SLC52A1: variants seen among roughly 807,000 people sequenced by gnomAD.
SLC52A1 encodes the protein solute carrier family 52 member 1.
Under a neutral mutation model 23.2 loss-of-function variants are expected in SLC52A1, and 20 were observed. The ratio of observed to expected loss-of-function variants is 0.86; its 90% CI spans 0.61 to 1.25. SLC52A1 has a LOEUF of 1.25. Ranked by LOEUF, SLC52A1 falls within the 50% of genes most tolerant of loss-of-function variation. The probability of loss-of-function intolerance (pLI) is 0.00; values close to 1 mark genes in which losing one functional copy is unlikely to be tolerated. For synonymous variants in SLC52A1, 260 were observed against 256.6 expected (o/e 1.01, Z -0.13); for missense variants, 528 against 557.0 (o/e 0.95, Z 0.52).
At chr17:5,037,859 GTTTC>G (rs1225411952), upstream of SLC52A1, among the ~76,000 whole-genome samples, 1 of 145,482 alleles carries the variant, frequency 6.9e-6, no homozygotes, top group Non-Finnish European at 1.5e-5. Flanking sequence ...CCTAAAATCT[GTTTC>G]TTTCTTTCTT....
At chr17:5,039,522 G>A (rs1597881570), upstream of SLC52A1, among the ~76,000 whole-genome samples, 1 of 152,132 alleles carries the variant, frequency 6.6e-6, no homozygotes, top group African/African-American at 2.4e-5. Context: ...ACCCAGGCTG[G>A]AGTGCAGTGT....
intron 1 of SLC52A1, among the ~76,000 whole-genome samples, chr17:5,041,079 G>GCCA (rs1975539677): frequency 6.6e-6 from 1 of 151,744 alleles, no homozygotes; most frequent in Admixed American, 6.6e-5. Flanking sequence ...ACAGGCGTGA[G>GCCA]CCACCGTGCC....
At chr17:5,034,827 G>GGAGGGAGAGGTGGCCGGC in intron 1 of SLC52A1, 34 bp downstream of exon 1, 1 of 495,610 alleles carries the variant, frequency 2.0e-6, no homozygotes, top group Non-Finnish European at 3.5e-6. Flanking sequence ...AGGTGGCCGG[G>GGAGGGAGAGGTGGCCGGC]GGCGGGCGGG....
chr17:5,037,293 G>A (rs543208276), upstream of SLC52A1, among the ~76,000 whole-genome samples: 5 of 152,346 alleles, frequency 3.3e-5, no homozygotes, highest in South Asian at 4.1e-4. Flanking sequence ...GCCGAGGCGG[G>A]CTGATCACCT....
Position 5,032,822 on chromosome 17 carries a change from C to G in SLC52A1, c.*135G>C. 1 of 802,670 alleles carries G rather than the reference C, an allele frequency of 1.2e-6. No homozygotes were observed. Among genetic ancestry groups the G allele is most frequent in the African/African-American group, 1.7e-5 (1 of 57,984 alleles). 49.7% of individuals were successfully genotyped at this position (802,670 alleles called of 1,614,324 possible). A position where few individuals can be genotyped will look rare whatever the true frequency, so the allele number is the denominator to read the frequency against. On this transcript the variant is annotated 3_prime_UTR_variant, in exon 5 of 5. Coordinates refer to ENST00000254853, the MANE Select transcript of SLC52A1 (RefSeq NM_017986.4). ...CCACCCTGGCCTCACATGCCAACGTCTTCTGTGGAGTGTGCAGGTGTCCAT... is the reference window on the plus strand; with the variant it reads ...CCACCCTGGCCTCACATGCCAACGTGTTCTGTGGAGTGTGCAGGTGTCCAT...
intron 1 of SLC52A1, among the ~76,000 whole-genome samples, chr17:5,041,487 G>C (rs1975545007): frequency 6.7e-6 from 1 of 150,080 alleles, no homozygotes; most frequent in Non-Finnish European, 1.5e-5. Flanking sequence ...ATTTTGTTTT[G>C]TTTTTCTGAG....
At chr17:5,041,958 A>T (rs1050302277) in intron 1 of SLC52A1, among the ~76,000 whole-genome samples, 1 of 151,498 alleles carries the variant, frequency 6.6e-6, no homozygotes, top group African/African-American at 2.4e-5. Context: ...CTGGTCTCAA[A>T]CTTCTAGGCT....
chr17:5,034,611 C>T lies in SLC52A1; in HGVS notation c.-5G>A. 1.2e-6 allele frequency: 2 copies of T among 1,614,046 alleles called. No individual in the cohort carries two copies. The highest frequency in any genetic ancestry group is 1.1e-5 in the South Asian group (1 of 91,076). Reference sequence around the variant, plus strand: ...GCCCAGCGTGGGTGCTGCCATTCAGCCCAAAGCTGGACCCTCCAGGACAGG... The same window carrying T: ...GCCCAGCGTGGGTGCTGCCATTCAGTCCAAAGCTGGACCCTCCAGGACAGG... On this transcript the variant is annotated 5_prime_UTR_variant, in exon 2 of 5. Transcript: ENST00000254853.
At chr17:5,035,450 G>A (rs1343818862), upstream of SLC52A1, 1 of 152,320 alleles carries the variant, frequency 6.6e-6, no homozygotes, top group Non-Finnish European at 1.5e-5. Flanking sequence ...TGCTGAGGCA[G>A]GTCGAGTTGG....
chr17:5,035,925 G>A (rs1269360358), upstream of SLC52A1, among the ~76,000 whole-genome samples: 1 of 111,316 alleles, frequency 9.0e-6, no homozygotes, highest in Non-Finnish European at 1.7e-5. Flanking sequence ...TCACTATGTT[G>A]CTCAGGCTGG....
At chr17:5,038,284 C>T (rs191627260), upstream of SLC52A1, among the ~76,000 whole-genome samples, 57 of 152,062 alleles carry the variant, frequency 3.7e-4, no homozygotes, top group Non-Finnish European at 7.8e-4. Context: ...TCCAGCTACT[C>T]AGGAGCCTGA....
In SLC52A1 at chr17:5,034,079, C is replaced by G; in HGVS notation, c.410G>C (p.Ser137Thr). ...TSNVTFLPFL[S>T]HLPPPFLRSF... ...CCGTAAGAAAGGAGGTGGCAGGTGG[C>G]TCAGGAAGGGCAGGAAAGTGACATT... Residue 137 changes from serine (S) to threonine (T), a missense_variant, in exon 3 of 5, where the codon AGC becomes ACC. Physicochemically the swap from Ser to Thr is moderately conservative, Grantham distance 58. Coordinates refer to ENST00000254853, the MANE Select transcript of SLC52A1 (RefSeq NM_017986.4). The G allele has an allele frequency of 6.2e-7, 1 of 1,614,192 alleles. No homozygotes were observed. The highest frequency in any genetic ancestry group is 8.5e-7 in the Non-Finnish European group (1 of 1,180,026).
rs1412800657 is a variant in SLC52A1, at chr17:5,033,516, G to C, written c.973C>G (p.Pro325Ala). 3 of 1,613,180 alleles carry C rather than the reference G, an allele frequency of 1.9e-6. No homozygotes were observed. The highest frequency in any genetic ancestry group is 2.5e-6 in the Non-Finnish European group (3 of 1,179,604). Residue 325 changes from proline (P) to alanine (A), a missense_variant, in exon 3 of 5, where the codon CCC (proline) becomes GCC (alanine). By Grantham distance (27) the Pro-to-Ala change is conservative. Transcript: ENST00000254853. Reference protein sequence around the residue: ...LAVVLGSAANPLACFLAMGVL... With the variant: ...LAVVLGSAANALACFLAMGVL... ...CCCATGGCCAGGAAGCAGGCAAGGG[G>C]GTTGGCGGCACTGCCCAGCACCACA...
upstream of SLC52A1, among the ~76,000 whole-genome samples, chr17:5,039,050 G>A (rs900809664): frequency 0.051 from 7 of 136 alleles, no homozygotes; most frequent in African/African-American, 0.17. Context: ...AGCCGGGCGC[G>A]GTGGCCTCAT....
At position 5,033,869 on chromosome 17, in the gene SLC52A1, G is replaced by A. The variant is rs1309810407; in HGVS notation, c.620C>T (p.Ser207Leu). ...CAGGAGACCCCGGAAGGCGGCAGCTGAAGTGACCAGAAGGGCAGTCAGTGC... is the reference window on the plus strand; with the variant it reads ...CAGGAGACCCCGGAAGGCGGCAGCTAAAGTGACCAGAAGGGCAGTCAGTGC... Reference protein sequence around the residue: ...FWALTALLVTSAAAFRGLLLL... With the variant: ...FWALTALLVTLAAAFRGLLLL... The change falls in exon 3 of 5, where the codon TCA becomes TTA. Residue 207 changes from serine to leucine, a missense_variant. Coordinates refer to ENST00000254853, the MANE Select transcript of SLC52A1 (RefSeq NM_017986.4). The A allele has an allele frequency of 6.2e-7, 1 of 1,614,254 alleles. No homozygotes were observed. The highest frequency in any genetic ancestry group is 1.7e-5 in the Admixed American group (1 of 60,034).
chr17:5,033,167 C>T lies in SLC52A1; in HGVS notation c.1137G>A (p.Val379=). ...CACACAGACACAGCACCCACGACAGCACCTGCAAGGGAGGACACAGCAGCA... is the reference window on the plus strand; with the variant it reads ...CACACAGACACAGCACCCACGACAGTACCTGCAAGGGAGGACACAGCAGCA... ...VGTTAGVVLV[V]LSWVLCLCVF... Residue 379 remains valine, a splice_region_variant and synonymous_variant, in exon 5 of 5, where the codon GTG becomes GTA. Coordinates refer to ENST00000254853, the MANE Select transcript of SLC52A1 (RefSeq NM_017986.4). 6.2e-7 allele frequency: 1 copy of T among 1,613,858 alleles called. No homozygotes were observed. The highest frequency in any genetic ancestry group is 8.5e-7 in the Non-Finnish European group (1 of 1,179,944).
chr17:5,039,323 TA>T (rs1266960382), upstream of SLC52A1, among the ~76,000 whole-genome samples: 424 of 136,038 alleles, frequency 3.1e-3, 1 homozygote, highest in Middle Eastern at 3.8e-3. Context: ...ACTCCATCTC[TA>T]AAAAAAAAAA....
chr17:5,034,258 C>T lies in SLC52A1; in HGVS notation c.231G>A (p.Glu77=). The stretch of plus-strand genomic sequence containing the variant: ...CCTGTACCACCTGGATGGGGACCTG[C>T]TCGCCCTTGCCCGGGGCCAGCTGCC... ...LWRQLAPGKG[E]QVPIQVVQVL... is the part of the protein sequence containing the mutation. The change falls in exon 3 of 5, where the codon GAG becomes GAA. Residue 77 remains glutamate, a synonymous_variant. Coordinates refer to ENST00000254853, the MANE Select transcript of SLC52A1 (RefSeq NM_017986.4). 1.9e-6 allele frequency: 3 copies of T among 1,611,986 alleles called. No homozygotes were observed. The highest frequency in any genetic ancestry group is 4.5e-5 in the East Asian group (2 of 44,862).
rs1597875407 is a variant in SLC52A1, at chr17:5,033,494, A to G, written c.995T>C (p.Met332Thr). Residue 332 changes from methionine (M) to threonine (T), a missense_variant, in exon 3 of 5, where the codon ATG becomes ACG. Coordinates refer to ENST00000254853, the MANE Select transcript of SLC52A1 (RefSeq NM_017986.4). Reference protein sequence around the residue: ...AANPLACFLAMGVLCRSLAGL... With the variant: ...AANPLACFLATGVLCRSLAGL... ...CCTTTTGCACCTGCACAGCACGCCC[A>G]TGGCCAGGAAGCAGGCAAGGGGGTT... 7 of 1,612,192 alleles carry G rather than the reference A, an allele frequency of 4.3e-6. No individual in the cohort carries two copies. Among genetic ancestry groups the G allele is most frequent in the Non-Finnish European group, 5.9e-6 (7 of 1,179,076 alleles).
Sources: gnomAD v4.1 joint callset for allele counts (sites outside exome capture counted in the v4.1 genomes callset) on GRCh38, gnomAD v4.1.1 for gene constraint, MANE v1.5 for transcripts, NCBI Gene and HGNC (gene_info 2026-07-23, HGNC 2026-07-21) for gene names.